Variants in TPRG1 observed in about 807,000 individuals in gnomAD.
The protein encoded by TPRG1 is tumor protein p63-regulated gene 1 protein.
TPRG1 carries 29 observed loss-of-function variants against 29.3 expected under a neutral mutation model. That is an observed-to-expected ratio of 0.99 (90% CI 0.74 to 1.35). The LOEUF is 1.35. TPRG1 is among the 40% of genes most tolerant of loss of function. The pLI is 0.00. For missense variants in TPRG1, 327 were observed against 335.0 expected (o/e 0.98, Z 0.19); for synonymous variants, 130 against 116.8 (o/e 1.11, Z -0.73).
intron 4 of TPRG1, among the ~76,000 whole-genome samples, chr3:189,078,309 T>C (rs1409702003): frequency 6.6e-6 from 1 of 151,972 alleles, no homozygotes; most frequent in East Asian, 1.9e-4. Flanking sequence ...GGCTAATTTT[T>C]GTATTTTTAG....
At chr3:189,139,440 C>T (rs1724223774) in intron 3 of TPRG1, among the ~76,000 whole-genome samples, 1 of 152,130 alleles carries the variant, frequency 6.6e-6, no homozygotes, top group Admixed American at 6.6e-5. Context: ...GAACCAGCTC[C>T]TCATCCAGAG....
In TPRG1 at chr3:189,321,031, A is replaced by G. The variant is rs1431357940; in HGVS notation, c.*211A>G. On this transcript the variant is annotated 3_prime_UTR_variant, in exon 6 of 6. Transcript: ENST00000345063. ...ATACAAGAATAATCAAATTTTCTTA[A>G]AACTAGAAAATAAATGCTGCTGAGC... 9.5e-6 allele frequency: 4 copies of G among 419,016 alleles called. No individual in the cohort carries two copies. The highest frequency in any genetic ancestry group is 2.1e-5 in the African/African-American group (1 of 48,610). The allele number at this position is 419,016 out of a possible 1,614,324, so 26.0% of individuals were successfully genotyped here.
intron 4 of TPRG1, among the ~76,000 whole-genome samples, chr3:189,290,361 A>G (rs1290533578): frequency 1.3e-5 from 2 of 152,156 alleles, no homozygotes; most frequent in South Asian, 2.1e-4. Flanking sequence ...CAACACTCAC[A>G]CACTCATGTC....
intron 1 of TPRG1, among the ~76,000 whole-genome samples, chr3:189,181,875 GAA>G (rs1730272062): frequency 6.6e-6 from 1 of 152,162 alleles, no homozygotes; most frequent in African/African-American, 2.4e-5. Flanking sequence ...ATTTATGAAA[GAA>G]AGAGTTTTAA....
chr3:189,170,349 CTG>C (rs1309976841), upstream of TPRG1, among the ~76,000 whole-genome samples: 2 of 152,156 alleles, frequency 1.3e-5, no homozygotes, highest in Non-Finnish European at 2.9e-5. Flanking sequence ...GATCAGGTAA[CTG>C]TGGCTGAGTC....
intron 1 of TPRG1, among the ~76,000 whole-genome samples, chr3:189,101,908 A>G (rs1184101934): frequency 6.6e-6 from 1 of 152,184 alleles, no homozygotes; most frequent in Admixed American, 6.5e-5. Flanking sequence ...GTTGCTATAT[A>G]CAACCCTATG....
At chr3:189,110,820 A>G (rs948120639) in intron 1 of TPRG1, among the ~76,000 whole-genome samples, 2 of 151,812 alleles carry the variant, frequency 1.3e-5, no homozygotes, top group Non-Finnish European at 2.9e-5. Flanking sequence ...TGAAAAGACT[A>G]CCCTTTCTTT....
At chr3:189,186,169 A>G (rs1467563217) in intron 1 of TPRG1, among the ~76,000 whole-genome samples, 1 of 152,246 alleles carries the variant, frequency 6.6e-6, no homozygotes, top group East Asian at 1.9e-4. Context: ...ACTAAATGGA[A>G]GTTTTCACTA....
chr3:189,285,751 T>C (rs1717950693), intron 4 of TPRG1, among the ~76,000 whole-genome samples: 1 of 152,202 alleles, frequency 6.6e-6, no homozygotes, highest in Non-Finnish European at 1.5e-5. Context: ...CTCGAGGTCC[T>C]ACAACTCGAA....
At chr3:189,305,781 AGTTTAG>A (rs1285339862) in intron 4 of TPRG1, among the ~76,000 whole-genome samples, 1 of 152,240 alleles carries the variant, frequency 6.6e-6, no homozygotes, top group Admixed American at 6.5e-5. Flanking sequence ...CAACTCAGAT[AGTTTAG>A]GATCCTAAAC....
At chr3:189,102,028 A>G (rs1228042514) in intron 1 of TPRG1, among the ~76,000 whole-genome samples, 2 of 152,134 alleles carry the variant, frequency 1.3e-5, no homozygotes, top group Non-Finnish European at 2.9e-5. Flanking sequence ...TAGAGAGGAT[A>G]TTACTACCAT....
chr3:189,129,690 A>G (rs901040867), intron 2 of TPRG1, among the ~76,000 whole-genome samples: 1 of 152,166 alleles, frequency 6.6e-6, no homozygotes, highest in African/African-American at 2.4e-5. Flanking sequence ...TCTGTTGGAA[A>G]GAGTTGTCGC....
chr3:189,042,025 T>C (rs1714664338), intron 4 of TPRG1, among the ~76,000 whole-genome samples: 1 of 152,202 alleles, frequency 6.6e-6, no homozygotes. Context: ...TTAATGCCAA[T>C]GTTAGCAGCT....
intron 4 of TPRG1, among the ~76,000 whole-genome samples, chr3:189,273,554 G>A (rs1467607696): frequency 2.0e-5 from 3 of 152,104 alleles, no homozygotes; most frequent in African/African-American, 7.2e-5. Context: ...TTGTCCCTAC[G>A]TAACATTGGA....
At chr3:189,081,614 A>G (rs554890503) in intron 4 of TPRG1, among the ~76,000 whole-genome samples, 85 of 152,334 alleles carry the variant, frequency 5.6e-4, no homozygotes, top group African/African-American at 2.0e-3. Flanking sequence ...AACACCTTAC[A>G]TGGTTCACTT....
chr3:189,281,340 T>A (rs1717086766), intron 4 of TPRG1, among the ~76,000 whole-genome samples: 1 of 152,158 alleles, frequency 6.6e-6, no homozygotes, highest in South Asian at 2.1e-4. Flanking sequence ...TGTTCTTTAT[T>A]GATTAAAAAA....
chr3:189,216,134 T>TA (rs1317792225), intron 3 of TPRG1, among the ~76,000 whole-genome samples: 5 of 152,222 alleles, frequency 3.3e-5, no homozygotes, highest in African/African-American at 1.2e-4. Context: ...AATTTTTTTT[T>TA]ACTACGGAAG....
At chr3:189,236,976 A>G (rs1365667495) in intron 3 of TPRG1, among the ~76,000 whole-genome samples, 2 of 152,208 alleles carry the variant, frequency 1.3e-5, no homozygotes, top group Non-Finnish European at 2.9e-5. Flanking sequence ...AAGCCTTAAC[A>G]GAGAATTATT....
chr3:189,188,457 G>A (rs1238622813), intron 1 of TPRG1, among the ~76,000 whole-genome samples: 6 of 152,300 alleles, frequency 3.9e-5, no homozygotes, highest in African/African-American at 1.4e-4. Flanking sequence ...GGAATCACTC[G>A]TCTGGATAGC....
Sources: allele counts gnomAD v4.1 joint callset (sites outside exome capture counted in the v4.1 genomes callset), GRCh38; gene constraint gnomAD v4.1.1; transcripts MANE v1.5; gene names NCBI Gene and HGNC (gene_info 2026-07-23, HGNC 2026-07-21).